NELL1: variants seen among roughly 807,000 people sequenced by gnomAD.
The protein encoded by NELL1 is neural EGFL like 1.
Under a neutral mutation model 107.4 loss-of-function variants are expected in NELL1, and 76 were observed. The observed-to-expected ratio is 0.71, with a 90% CI of 0.59 to 0.86. The LOEUF (loss-of-function observed/expected upper bound fraction) is 0.86, where lower values mean the gene tolerates loss of function less well. Among genes scored for constraint, NELL1 ranks in the 40% least tolerant of loss-of-function variants. The probability of loss-of-function intolerance (pLI) is 0.00; values close to 1 mark genes in which losing one functional copy is unlikely to be tolerated. For synonymous variants in NELL1, 353 were observed against 341.2 expected (o/e 1.03, Z -0.38); for missense variants, 1,024 against 1,005.5 (o/e 1.02, Z -0.25).
intron 12 of NELL1, among the ~76,000 whole-genome samples, chr11:21,101,997 T>C (rs564036637): frequency 2.3e-3 from 348 of 152,156 alleles, no homozygotes; most frequent in African/African-American, 8.3e-3. Flanking sequence ...GGATTACAGG[T>C]GCTTGCCACT....
At chr11:20,715,117 C>T (rs1032394230) in intron 2 of NELL1, among the ~76,000 whole-genome samples, 16 of 151,946 alleles carry the variant, frequency 1.1e-4, no homozygotes, top group East Asian at 1.9e-4. Flanking sequence ...TGGTGGCGGG[C>T]GCCTGTAGTC....
intron 12 of NELL1, among the ~76,000 whole-genome samples, chr11:21,008,290 A>G (rs1333915146): frequency 6.6e-6 from 1 of 152,182 alleles, no homozygotes; most frequent in Non-Finnish European, 1.5e-5. Context: ...AATACAAACT[A>G]CATCTTAAAT....
intron 15 of NELL1, among the ~76,000 whole-genome samples, chr11:21,389,012 T>C (rs1590891351): frequency 6.6e-6 from 1 of 151,776 alleles, no homozygotes; most frequent in African/African-American, 2.4e-5. Flanking sequence ...AACACTACAC[T>C]CGTATTTTCA....
intron 14 of NELL1, among the ~76,000 whole-genome samples, chr11:21,235,107 T>G (rs1414879932): frequency 6.6e-6 from 1 of 152,130 alleles, no homozygotes; most frequent in Non-Finnish European, 1.5e-5. Context: ...ATGGTTAATG[T>G]AATGAGGAAG....
rs61184129 is a variant in NELL1 at position 20,872,671 on chromosome 11, G to GGTGTGTGTGTGTGT, written c.507-12744_507-12731dup. 3.0e-3 allele frequency among the ~76,000 whole-genome samples: 405 copies of GGTGTGTGTGTGTGT among 137,166 alleles called. 2 individuals carry two copies. The highest frequency in any genetic ancestry group is 0.01 in the South Asian group (41 of 3,922). The allele number at this position is 137,166 out of a possible 152,430, so 90.0% of individuals were successfully genotyped here. On this transcript the variant is annotated intron_variant, in intron 4 of 19. Transcript: ENST00000357134. ...TGAATGTGGAGATGCCAGTGTTTGA[G>GGTGTGTGTGTGTGT]GTGTGTGTGTGTGTGTGTGTGTGTG...
chr11:21,097,011 C>T (rs1032427572), intron 12 of NELL1, among the ~76,000 whole-genome samples: 1 of 152,180 alleles, frequency 6.6e-6, no homozygotes, highest in African/African-American at 2.4e-5. Flanking sequence ...GCCACCACCC[C>T]TGGCCTTCCT....
intron 5 of NELL1, among the ~76,000 whole-genome samples, chr11:20,898,033 C>T (rs1214734180): frequency 2.6e-5 from 4 of 152,100 alleles, no homozygotes; most frequent in African/African-American, 7.2e-5. Context: ...GGATCTAGAA[C>T]TAGAAATACC....
chr11:21,016,616 C>A (rs986367587), intron 12 of NELL1, among the ~76,000 whole-genome samples: 1 of 152,100 alleles, frequency 6.6e-6, no homozygotes, highest in African/African-American at 2.4e-5. Flanking sequence ...TAGTCTCCCA[C>A]TCTGCACCCA....
intron 12 of NELL1, among the ~76,000 whole-genome samples, chr11:21,028,746 G>A (rs994026310): frequency 6.6e-6 from 1 of 151,976 alleles, no homozygotes; most frequent in Non-Finnish European, 1.5e-5. Context: ...AAGAGATAAG[G>A]TTTATTTTGT....
intron 14 of NELL1, among the ~76,000 whole-genome samples, chr11:21,300,748 ATTAT>A (rs1849474559): frequency 6.6e-6 from 1 of 151,866 alleles, no homozygotes; most frequent in Admixed American, 6.6e-5. Context: ...TTAACTCCAT[ATTAT>A]TTCTTTTTTT....
chr11:21,335,360 A>G (rs1486341658), intron 14 of NELL1, among the ~76,000 whole-genome samples: 1 of 151,870 alleles, frequency 6.6e-6, no homozygotes, highest in Non-Finnish European at 1.5e-5. Flanking sequence ...TCACTTTCCT[A>G]TTACTTGTGT....
intron 13 of NELL1, among the ~76,000 whole-genome samples, chr11:21,164,435 C>T (rs1243899824): frequency 6.6e-6 from 1 of 152,134 alleles, no homozygotes; most frequent in African/African-American, 2.4e-5. Flanking sequence ...TAATCTTAGA[C>T]TTTAAATGTC....
intron 3 of NELL1, among the ~76,000 whole-genome samples, chr11:20,816,035 CTTG>C (rs1450992327): frequency 6.6e-6 from 1 of 152,022 alleles, no homozygotes; most frequent in African/African-American, 2.4e-5. Flanking sequence ...GTACCAGTAC[CTTG>C]TTGTTTTTAT....
chr11:20,978,176 A>G (rs1851677768), intron 12 of NELL1, among the ~76,000 whole-genome samples: 1 of 152,184 alleles, frequency 6.6e-6, no homozygotes, highest in African/African-American at 2.4e-5. Flanking sequence ...TACTGAATCC[A>G]GTTGTTTCTG....
In NELL1 at chr11:20,739,372, C is replaced by A. The variant is rs115471656; in HGVS notation, c.185-44308C>A. Among the ~76,000 whole-genome samples the A allele has an allele frequency of 5.4e-3, 815 of 151,156 alleles. 7 individuals carry two copies. Among genetic ancestry groups the A allele is most frequent in the African/African-American group, 0.019 (770 of 41,134 alleles). On this transcript the variant is annotated intron_variant, in intron 2 of 19. Transcript: ENST00000357134. ...TATTTGCAGATGGGCAGGATGCACA[C>A]CACGTTGTCAGGTTGCATCTTGGGA... is the stretch of plus-strand genomic sequence containing the variant.
At chr11:21,345,915 C>T (rs1386532270) in intron 14 of NELL1, among the ~76,000 whole-genome samples, 1 of 152,150 alleles carries the variant, frequency 6.6e-6, no homozygotes, top group African/African-American at 2.4e-5. Flanking sequence ...GCTTCTGCCT[C>T]AAACCTCATG....
At chr11:20,983,821 C>T (rs1851797087) in intron 12 of NELL1, among the ~76,000 whole-genome samples, 1 of 152,146 alleles carries the variant, frequency 6.6e-6, no homozygotes, top group East Asian at 1.9e-4. Flanking sequence ...CCCTCGTGGC[C>T]TTGGTGCACA....
chr11:21,393,630 C>T (rs1483486993), intron 15 of NELL1, among the ~76,000 whole-genome samples: 1 of 151,582 alleles, frequency 6.6e-6, no homozygotes, highest in Non-Finnish European at 1.5e-5. Flanking sequence ...GTTAAAAAGA[C>T]AGGAAAGCAT....
chr11:21,398,192 C>A (rs1177264774), intron 15 of NELL1, among the ~76,000 whole-genome samples: 4 of 151,636 alleles, frequency 2.6e-5, no homozygotes, highest in Non-Finnish European at 4.4e-5. Flanking sequence ...GGCTTACTCA[C>A]CTGAGGGTGG....
Sources: allele counts gnomAD v4.1 joint callset (sites outside exome capture counted in the v4.1 genomes callset), GRCh38; gene constraint gnomAD v4.1.1; transcripts MANE v1.5; gene names NCBI Gene and HGNC (gene_info 2026-07-23, HGNC 2026-07-21).